RYR3: variants seen among roughly 807,000 people sequenced by gnomAD.
RYR3 encodes brain ryanodine receptor-calcium release channel.
In RYR3, 207 loss-of-function variants were observed where a neutral mutation model predicts 584.3. That is an observed-to-expected ratio of 0.35 (90% CI 0.32 to 0.40). RYR3 has a LOEUF of 0.40. Ranked by LOEUF, RYR3 falls within the 10% of genes least tolerant of loss-of-function variation. RYR3 has a pLI of 1.00. For missense variants in RYR3, 5,616 were observed against 6,089.2 expected (o/e 0.92, Z 2.59); for synonymous variants, 2,416 against 2,248.5 (o/e 1.07, Z -2.11).
chr15:33,698,016 C>T lies in RYR3; in HGVS notation c.6249+20C>T. 2 of 1,527,650 alleles carry T rather than the reference C, an allele frequency of 1.3e-6. No individual in the cohort carries two copies. The highest frequency in any genetic ancestry group is 1.8e-6 in the Non-Finnish European group (2 of 1,101,274). The allele number at this position is 1,527,650 out of a possible 1,614,324, so 94.6% of individuals were successfully genotyped here. ...TCTCAGGTAATGCTAAAAGGAGAAC[C>T]TAGCCAGAACTTGTCCCTTGAGGCA... On this transcript the variant is annotated intron_variant, in intron 40 of 103. Transcript: ENST00000634891.
chr15:33,786,038 T>G, intron 66 of RYR3, 56 bp downstream of exon 66: 1 of 1,361,760 alleles, frequency 7.3e-7, no homozygotes, highest in Admixed American at 2.3e-5. Flanking sequence ...ACTGGATTCT[T>G]TTTTCATCTC....
At chr15:33,669,859 TGTG>T (rs1425424676) in intron 37 of RYR3, among the ~76,000 whole-genome samples, 1,570 of 28,942 alleles carry the variant, frequency 0.054, 43 homozygotes, top group Non-Finnish European at 0.075. Context: ...GGGGGGGGGG[TGTG>T]GGTGTGTGGG....
chr15:33,596,498 G>C (rs1018826234), intron 16 of RYR3, among the ~76,000 whole-genome samples: 7 of 137,232 alleles, frequency 5.1e-5, no homozygotes, highest in African/African-American at 1.6e-4. Flanking sequence ...CTTTTTTTGG[G>C]GGGGGGGGAT....
chr15:33,603,069 G>T, intron 17 of RYR3, 54 bp from the exon 18 acceptor site: 1 of 1,596,834 alleles, frequency 6.3e-7, no homozygotes, highest in Non-Finnish European at 8.5e-7. Flanking sequence ...GGTTCAACTT[G>T]CTTTCTCAGC....
intron 36 of RYR3, among the ~76,000 whole-genome samples, chr15:33,664,402 A>C (rs2063353657): frequency 6.6e-6 from 1 of 151,984 alleles, no homozygotes; most frequent in South Asian, 2.1e-4. Context: ...CATTCTGTAG[A>C]ATAGGAGTTT....
chr15:33,411,850 A>G (rs2043433396), intron 1 of RYR3, among the ~76,000 whole-genome samples: 1 of 152,204 alleles, frequency 6.6e-6, no homozygotes, highest in Admixed American at 6.5e-5. Context: ...TGCAAGCCTC[A>G]AGAAAATAGG....
intron 1 of RYR3, among the ~76,000 whole-genome samples, chr15:33,447,764 C>T (rs2046793988): frequency 1.3e-5 from 2 of 152,156 alleles, no homozygotes; most frequent in Non-Finnish European, 2.9e-5. Flanking sequence ...GAGTACGGAC[C>T]ATTTCCATCA....
At chr15:33,589,910 G>C (rs141688739) in intron 16 of RYR3, among the ~76,000 whole-genome samples, 5 of 152,262 alleles carry the variant, frequency 3.3e-5, no homozygotes, top group Non-Finnish European at 2.9e-5. Flanking sequence ...ATGTGTGTCC[G>C]TGTGAAGAGA....
chr15:33,785,665 T>C lies in RYR3; in HGVS notation c.9272T>C (p.Leu3091Pro). 6.3e-7 allele frequency: 1 copy of C among 1,588,868 alleles called. No individual in the cohort carries two copies. Among genetic ancestry groups the C allele is most frequent in the Non-Finnish European group, 8.6e-7 (1 of 1,166,148 alleles). Residue 3091 changes from leucine to proline, a missense_variant, in exon 66 of 104, where the codon CTG becomes CCG. Coordinates refer to ENST00000634891, the MANE Select transcript of RYR3 (RefSeq NM_001036.6). ...CTTTATTCTTCCTCTCAATCAGTTC[T>C]GGGGATGCCAGACACGGTAGAAGAC... ...NTKTPRERSI[L>P]GMPDTVEDMC... is the part of the protein sequence containing the mutation.
intron 2 of RYR3, among the ~76,000 whole-genome samples, chr15:33,486,295 A>G (rs1273330176): frequency 6.6e-6 from 1 of 152,188 alleles, no homozygotes; most frequent in Non-Finnish European, 1.5e-5. Flanking sequence ...CTAGGGCAGG[A>G]TACTTCCTTG....
chr15:33,673,884 C>G (rs1350634622), intron 38 of RYR3, among the ~76,000 whole-genome samples: 1 of 152,180 alleles, frequency 6.6e-6, no homozygotes, highest in East Asian at 1.9e-4. Flanking sequence ...CGGTTAAGAA[C>G]TGAGTTATAG....
intron 19 of RYR3, among the ~76,000 whole-genome samples, chr15:33,614,564 T>G (rs1409680574): frequency 6.6e-6 from 1 of 152,190 alleles, no homozygotes; most frequent in Non-Finnish European, 1.5e-5. Context: ...TGCTTACTTT[T>G]AATGTGCTTT....
At chr15:33,565,392 C>G (rs2057657560) in intron 11 of RYR3, among the ~76,000 whole-genome samples, 3 of 152,154 alleles carry the variant, frequency 2.0e-5, no homozygotes, top group African/African-American at 7.2e-5. Flanking sequence ...CTGATGCTTA[C>G]ACTGCAGTAT....
chr15:33,550,286 G>C lies in RYR3; in HGVS notation c.942G>C (p.Lys314Asn). 6.2e-7 allele frequency: 1 copy of C among 1,613,422 alleles called. No individual in the cohort carries two copies. Among genetic ancestry groups the C allele is most frequent in the Non-Finnish European group, 8.5e-7 (1 of 1,179,664 alleles). ...ILQDRAKSDTKSTAFSFRASK... is the reference protein window; with the variant it reads ...ILQDRAKSDTNSTAFSFRASK... ...AAGACCGGGCAAAGTCAGACACCAA[G>C]TCCACAGCTTTCTCTTTCCGGGCAT... Residue 314 changes from lysine to asparagine, a missense_variant, in exon 10 of 104, where the codon AAG becomes AAC. This residue lies in a region of RYR3 where 1,284 missense variants were observed against 1,344.6 expected (regional missense o/e 0.95). Coordinates refer to ENST00000634891, the MANE Select transcript of RYR3 (RefSeq NM_001036.6).
intron 60 of RYR3, among the ~76,000 whole-genome samples, chr15:33,763,904 A>AAAAAAAAAAAAAAAAAAAAAAAAAAAC (rs1567121773): frequency 7.7e-6 from 1 of 130,576 alleles, no homozygotes; most frequent in African/African-American, 3.3e-5. Flanking sequence ...AAAAAAAAAA[A>AAAAAAAAAAAAAAAAAAAAAAAAAAAC]AAAAAAAAAA....
intron 3 of RYR3, among the ~76,000 whole-genome samples, chr15:33,509,378 C>T (rs1595366878): frequency 6.6e-6 from 1 of 152,154 alleles, no homozygotes; most frequent in East Asian, 1.9e-4. Context: ...GGAACCACCA[C>T]CATCCAGATT....
In RYR3 at chr15:33,526,056, C is replaced by T. The variant is rs149126777; in HGVS notation, c.280-4536C>T. Among the ~76,000 whole-genome samples, 101 of 152,216 alleles carry T rather than the reference C, an allele frequency of 6.6e-4. No homozygotes were observed. The East Asian group carries it at 9.1e-3, about 14-fold the overall frequency. ...GGAAGATTTCTTATTGCCTGGGACT[C>T]CCAAAGTGGAATTTAGGGTTCGAGA... On this transcript the variant is annotated intron_variant, in intron 3 of 103. Transcript: ENST00000634891.
intron 94 of RYR3, 143 bp downstream of exon 94, chr15:33,848,564 G>A (rs2078874531): frequency 1.3e-6 from 1 of 794,978 alleles, no homozygotes; most frequent in Middle Eastern, 3.8e-4. Flanking sequence ...CTTCAATAAA[G>A]CCACTTACTG....
intron 17 of RYR3, 117 bp downstream of exon 17, chr15:33,601,669 T>C: frequency 9.5e-7 from 1 of 1,056,578 alleles, no homozygotes; most frequent in Non-Finnish European, 1.4e-6. Flanking sequence ...TCCATGGTGA[T>C]ACAAGTACAT....
Sources: allele counts gnomAD v4.1 joint callset (sites outside exome capture counted in the v4.1 genomes callset), GRCh38; gene constraint gnomAD v4.1.1; regional missense constraint gnomAD v4.1.1; transcripts MANE v1.5; gene names NCBI Gene and HGNC (gene_info 2026-07-23, HGNC 2026-07-21).